The following TMEM87A variants were observed in gnomAD, a reference collection of about 807,000 sequenced individuals.
TMEM87A encodes the protein transmembrane protein 87A, also known as Golgi-pH regulating cation channel.
In TMEM87A, 50 loss-of-function variants were observed where a neutral mutation model predicts 90.0. The observed-to-expected ratio is 0.56, with a 90% CI of 0.44 to 0.70. The LOEUF (loss-of-function observed/expected upper bound fraction) is 0.70, where lower values mean the gene tolerates loss of function less well. TMEM87A is among the 30% of genes least tolerant of loss of function. The pLI, the probability that TMEM87A is intolerant of heterozygous loss-of-function variation, is 0.00. For synonymous variants in TMEM87A, 226 were observed against 226.7 expected, an observed-to-expected ratio of 1.00 and a Z score of 0.03; for missense variants, 577 against 660.5, an observed-to-expected ratio of 0.87 and a Z score of 1.39.
chr15:42,250,027 C>T lies in TMEM87A; in HGVS notation c.505-5860G>A, dbSNP rs1044220217. On this transcript the variant is annotated intron_variant, in intron 6 of 19. Transcript: ENST00000389834. ...TGACCCCTTTACCATTATGTAATGG[C>T]CTTGTCTCTTTTGATCTTTGTTGGT... 2.6e-5 allele frequency among the ~76,000 whole-genome samples: 4 copies of T among 152,148 alleles called. No individual in the cohort carries two copies. The East Asian group carries it at 7.7e-4, about 29-fold the overall frequency.
At position 42,267,916 on chromosome 15, in the gene TMEM87A, C is replaced by CA. The variant is rs759100223; in HGVS notation, c.291+30dup. ...CTGGAACCAGATAATCACTAAGGTC[C>CA]AAAAAAACTCTGTAATTTTATGTTC... On this transcript the variant is annotated intron_variant, in intron 3 of 19. Coordinates refer to ENST00000389834, the MANE Select transcript of TMEM87A (RefSeq NM_015497.5). 4.0e-5 allele frequency: 63 copies of CA among 1,574,552 alleles called. 1 individual carries two copies. The highest frequency in any genetic ancestry group is 1.7e-4 in the Middle Eastern group (1 of 5,954).
intron 4 of TMEM87A, among the ~76,000 whole-genome samples, 175 bp from the exon 5 acceptor site, chr15:42,261,424 C>T (rs551527484): frequency 2.6e-5 from 4 of 152,028 alleles, no homozygotes; most frequent in African/African-American, 7.3e-5. Flanking sequence ...TGAATAAAAC[C>T]CTGCTGGGAA....
intron 6 of TMEM87A, among the ~76,000 whole-genome samples, chr15:42,245,571 C>G (rs1468346154): frequency 7.0e-6 from 1 of 142,852 alleles, no homozygotes; most frequent in Non-Finnish European, 1.5e-5. Context: ...ATCGCCCAGG[C>G]AGGAGTACAG....
intron 10 of TMEM87A, among the ~76,000 whole-genome samples, chr15:42,234,275 C>T (rs2050736669): frequency 6.6e-6 from 1 of 152,178 alleles, no homozygotes; most frequent in Non-Finnish European, 1.5e-5. Flanking sequence ...CCTTGAGATT[C>T]AAAATCCTAC....
At chr15:42,268,130 C>T (rs2051442486) in intron 2 of TMEM87A, 98 bp from the exon 3 acceptor site, 1 of 852,454 alleles carries the variant, frequency 1.2e-6, no homozygotes, top group Admixed American at 2.3e-5. Flanking sequence ...GTACCCTAAA[C>T]TGAGATACTC....
intron 19 of TMEM87A, among the ~76,000 whole-genome samples, chr15:42,215,646 CTCA>C (rs2050370637): frequency 1.3e-5 from 2 of 152,066 alleles, no homozygotes; most frequent in Admixed American, 1.3e-4. Context: ...AAAAAAAATG[CTCA>C]TCATCACTAA....
intron 6 of TMEM87A, among the ~76,000 whole-genome samples, chr15:42,256,519 T>TTCGCCC (rs1179183907): frequency 6.6e-6 from 1 of 152,196 alleles, no homozygotes; most frequent in Non-Finnish European, 1.5e-5. Context: ...ACTCTTTCAT[T>TTCGCCC]TCTTTTGACT....
chr15:42,264,575 T>G (rs924855636), intron 3 of TMEM87A, among the ~76,000 whole-genome samples: 3 of 151,668 alleles, frequency 2.0e-5, no homozygotes, highest in Admixed American at 6.6e-5. Flanking sequence ...AGCAGAAAAT[T>G]GTTGCAAGCA....
chr15:42,232,143 CT>C (rs1036687277), intron 11 of TMEM87A, among the ~76,000 whole-genome samples: 2 of 152,102 alleles, frequency 1.3e-5, no homozygotes, highest in African/African-American at 4.8e-5. Flanking sequence ...GCTGTGGAGT[CT>C]TTTTTTAAAA....
At chr15:42,221,130 C>T (rs961237468) in intron 15 of TMEM87A, among the ~76,000 whole-genome samples, 1 of 152,046 alleles carries the variant, frequency 6.6e-6, no homozygotes, top group African/African-American at 2.4e-5. Flanking sequence ...CGCGCCTGGC[C>T]GAAAACAACT....
chr15:42,261,161 C>T (rs778409147), intron 5 of TMEM87A, 35 bp downstream of exon 5: 16 of 1,605,324 alleles, frequency 1.0e-5, no homozygotes, highest in Non-Finnish European at 1.2e-5. Context: ...AAAGTTTTTA[C>T]TGCACTCTCA....
chr15:42,221,455 A>G (rs193108292), intron 15 of TMEM87A, among the ~76,000 whole-genome samples: 38 of 152,326 alleles, frequency 2.5e-4, no homozygotes, highest in African/African-American at 8.4e-4. Flanking sequence ...AAAAATGGAG[A>G]GATGCCATAC....
chr15:42,254,379 C>T (rs535161083), intron 6 of TMEM87A, among the ~76,000 whole-genome samples: 1 of 152,318 alleles, frequency 6.6e-6, no homozygotes, highest in South Asian at 2.1e-4. Flanking sequence ...GAGTTGAAAA[C>T]TTATGTCCAC....
At chr15:42,230,588 T>G (rs950222758) in intron 12 of TMEM87A, among the ~76,000 whole-genome samples, 1 of 152,222 alleles carries the variant, frequency 6.6e-6, no homozygotes, top group African/African-American at 2.4e-5. Flanking sequence ...AAATAGAAGC[T>G]TGTTTGTTAT....
chr15:42,237,266 A>G (rs372765708), intron 9 of TMEM87A, among the ~76,000 whole-genome samples, 166 bp downstream of exon 9: 6 of 152,242 alleles, frequency 3.9e-5, no homozygotes, highest in South Asian at 2.1e-4. Context: ...CACTGAACTC[A>G]TAAGATTAAA....
At chr15:42,245,660 GAT>G (rs1157878505) in intron 6 of TMEM87A, among the ~76,000 whole-genome samples, 1 of 151,720 alleles carries the variant, frequency 6.6e-6, no homozygotes, top group East Asian at 1.9e-4. Context: ...AAGTAGCTGG[GAT>G]AACAGGTGCA....
intron 6 of TMEM87A, among the ~76,000 whole-genome samples, chr15:42,246,209 CATTT>C (rs2050968750): frequency 6.6e-6 from 1 of 152,090 alleles, no homozygotes; most frequent in African/African-American, 2.4e-5. Flanking sequence ...ATCAGAGCTT[CATTT>C]ATTTTTTTCT....
chr15:42,225,922 G>C (rs1566924833), intron 15 of TMEM87A, among the ~76,000 whole-genome samples: 1 of 152,102 alleles, frequency 6.6e-6, no homozygotes, highest in African/African-American at 2.4e-5. Context: ...TCATTTTACT[G>C]TGCTTCCCAG....
intron 1 of TMEM87A, 147 bp downstream of exon 1, chr15:42,273,108 G>A (rs2051582413): frequency 2.1e-6 from 2 of 966,140 alleles, no homozygotes; most frequent in South Asian, 3.1e-5. Context: ...CCAGGGAGGT[G>A]GGTCCCAGTT....
Sources: allele counts gnomAD v4.1 joint callset (sites outside exome capture counted in the v4.1 genomes callset), GRCh38; gene constraint gnomAD v4.1.1; transcripts MANE v1.5; gene names NCBI Gene and HGNC (gene_info 2026-07-23, HGNC 2026-07-21).